Variants in SH3RF3 observed in about 807,000 individuals in gnomAD.
SH3RF3 encodes the protein SH3 domain containing ring finger 3.
A neutral mutation model predicts 66.3 loss-of-function variants in SH3RF3; 29 were observed. The observed-to-expected ratio is 0.44, with a 90% CI of 0.33 to 0.60. The LOEUF (loss-of-function observed/expected upper bound fraction) is 0.60. Ranked by LOEUF, SH3RF3 falls within the 20% of genes least tolerant of loss-of-function variation. SH3RF3 has a pLI of 0.04. For missense variants in SH3RF3, 1,194 were observed against 1,190.9 expected, an observed-to-expected ratio of 1.00 and a Z score of -0.04; for synonymous variants, 583 against 532.0, an observed-to-expected ratio of 1.10 and a Z score of -1.32.
chr2:109,268,582 C>T (rs1233672684), intron 1 of SH3RF3, among the ~76,000 whole-genome samples: 1 of 152,188 alleles, frequency 6.6e-6, no homozygotes, highest in Non-Finnish European at 1.5e-5. Flanking sequence ...GGGCCTCGCT[C>T]CAGGGAGAGG....
chr2:109,495,218 C>G (rs1220408942), intron 9 of SH3RF3, among the ~76,000 whole-genome samples: 1 of 152,136 alleles, frequency 6.6e-6, no homozygotes, highest in Admixed American at 6.5e-5. Context: ...CGGGTGTGGT[C>G]ATGGGAAATG....
At chr2:109,256,309 G>T (rs1314015384) in intron 1 of SH3RF3, among the ~76,000 whole-genome samples, 1 of 152,226 alleles carries the variant, frequency 6.6e-6, no homozygotes, top group Non-Finnish European at 1.5e-5. Flanking sequence ...GGAAGTTGAC[G>T]CTGTGACGTA....
intron 1 of SH3RF3, among the ~76,000 whole-genome samples, chr2:109,268,953 G>C (rs10195035): frequency 0.32 from 47,983 of 152,006 alleles, 7,974 homozygotes; most frequent in East Asian, 0.46. Flanking sequence ...ATCTTTTTCC[G>C]TTTTCTGGGG....
At chr2:109,290,162 GC>G (rs1489156973) in intron 1 of SH3RF3, among the ~76,000 whole-genome samples, 14 of 152,174 alleles carry the variant, frequency 9.2e-5, no homozygotes, top group Admixed American at 4.6e-4. Context: ...TCCTGGATGA[GC>G]CAGATCCCTT....
chr2:109,316,775 C>T (rs1310669807), intron 1 of SH3RF3, among the ~76,000 whole-genome samples: 2 of 152,176 alleles, frequency 1.3e-5, no homozygotes, highest in Non-Finnish European at 2.9e-5. Context: ...ACTTTCCCTG[C>T]CCTTAAAAAT....
intron 1 of SH3RF3, among the ~76,000 whole-genome samples, chr2:109,308,198 T>G (rs570780696): frequency 2.3e-5 from 3 of 132,248 alleles, no homozygotes; most frequent in Middle Eastern, 3.8e-3. Context: ...TTTTCATGTG[T>G]TTTTTGGCTG....
In SH3RF3 at chr2:109,135,993, C is replaced by T. The variant is rs527334847; in HGVS notation, c.573+5880C>T. On this transcript the variant is annotated intron_variant, in intron 1 of 9. Coordinates refer to ENST00000309415, the MANE Select transcript of SH3RF3 (RefSeq NM_001099289.3). ...TGAAAACGAGCCCACCTCCGTCATC[C>T]GTAGGACACAATAGCTTGTCTACAG... 5.9e-5 allele frequency among the ~76,000 whole-genome samples: 9 copies of T among 152,292 alleles called. No homozygotes were observed. In the South Asian group the frequency reaches 1.5e-3, roughly 25 times the overall value.
Position 109,422,830 on chromosome 2 carries a change from G to A in SH3RF3, c.1403+3188G>A, listed in dbSNP as rs73955586. ...GCATCTTAGAGCCACTGCCTGATGT[G>A]AAGGACCGGAGGAGGCAGGGAGAGG... On this transcript the variant is annotated intron_variant, in intron 5 of 9. Transcript: ENST00000309415. Among the ~76,000 whole-genome samples the A allele has an allele frequency of 6.4e-3, 978 of 152,310 alleles. 13 individuals carry two copies. Among genetic ancestry groups the A allele is most frequent in the African/African-American group, 0.022 (924 of 41,558 alleles).
At chr2:109,164,374 G>A (rs188596511) in intron 1 of SH3RF3, among the ~76,000 whole-genome samples, 11 of 152,238 alleles carry the variant, frequency 7.2e-5, no homozygotes, top group Admixed American at 3.9e-4. Context: ...GTTAGAGATG[G>A]GGTCTTGCTG....
intron 1 of SH3RF3, among the ~76,000 whole-genome samples, chr2:109,166,459 GA>G (rs386390872): frequency 2.1e-4 from 28 of 134,290 alleles, no homozygotes; most frequent in East Asian, 4.3e-4. Context: ...CCTGGTGACA[GA>G]AAAAAAAAAA....
At chr2:109,228,694 A>G (rs1197583302) in intron 1 of SH3RF3, among the ~76,000 whole-genome samples, 2 of 152,132 alleles carry the variant, frequency 1.3e-5, no homozygotes, top group African/African-American at 2.4e-5. Flanking sequence ...GATAAAAGAT[A>G]CAGGCAAGCA....
intron 1 of SH3RF3, among the ~76,000 whole-genome samples, chr2:109,315,152 A>G (rs1410924502): frequency 6.6e-6 from 1 of 152,246 alleles, no homozygotes; most frequent in Non-Finnish European, 1.5e-5. Flanking sequence ...TTTACTGAGT[A>G]TAATTAGCAG....
intron 3 of SH3RF3, among the ~76,000 whole-genome samples, chr2:109,378,528 AT>A (rs1683442012): frequency 6.6e-6 from 1 of 152,020 alleles, no homozygotes; most frequent in Non-Finnish European, 1.5e-5. Flanking sequence ...ATGCCTGGTA[AT>A]TTTCAGCTGG....
intron 1 of SH3RF3, among the ~76,000 whole-genome samples, chr2:109,195,781 T>C (rs1464889027): frequency 6.6e-6 from 1 of 152,218 alleles, no homozygotes; most frequent in Non-Finnish European, 1.5e-5. Context: ...CTGTGGGTAA[T>C]TGGGCTTCTC....
chr2:109,344,601 C>T (rs886173108), intron 1 of SH3RF3, among the ~76,000 whole-genome samples: 5 of 152,176 alleles, frequency 3.3e-5, no homozygotes, highest in African/African-American at 1.2e-4. Context: ...CCATGACAGG[C>T]TGATGGGCCA....
chr2:109,464,756 C>T (rs556298163), intron 8 of SH3RF3, among the ~76,000 whole-genome samples: 30 of 152,336 alleles, frequency 2.0e-4, no homozygotes, highest in African/African-American at 7.0e-4. Context: ...ATCTCTTCTA[C>T]TATCAATGGC....
chr2:109,399,453 T>G (rs1285670504), intron 4 of SH3RF3, among the ~76,000 whole-genome samples: 1 of 152,108 alleles, frequency 6.6e-6, no homozygotes, highest in East Asian at 1.9e-4. Context: ...CACTAGTTTT[T>G]TTTTTTTGTA....
chr2:109,158,594 G>A (rs1677410022), intron 1 of SH3RF3, among the ~76,000 whole-genome samples: 1 of 152,190 alleles, frequency 6.6e-6, no homozygotes, highest in Non-Finnish European at 1.5e-5. Context: ...CTCGCTGCCT[G>A]GGATGATAAG....
In SH3RF3 at chr2:109,224,995, AT is replaced by A. The variant is rs1345477083; in HGVS notation, c.573+94886del. Among the ~76,000 whole-genome samples, 23 of 152,308 alleles carry A rather than the reference AT, an allele frequency of 1.5e-4. No homozygotes were observed. In the East Asian group the frequency reaches 3.1e-3, roughly 20 times the overall value. ...TTTTAAAAATCTTATTTTAAAAAGA[AT>A]TTTGTGGGTTTGAAGGAAAGATTGT... is the stretch of plus-strand genomic sequence containing the variant. On this transcript the variant is annotated intron_variant, in intron 1 of 9. Coordinates refer to ENST00000309415, the MANE Select transcript of SH3RF3 (RefSeq NM_001099289.3).
Sources: gnomAD v4.1 joint callset for allele counts (sites outside exome capture counted in the v4.1 genomes callset) on GRCh38, gnomAD v4.1.1 for gene constraint, MANE v1.5 for transcripts, NCBI Gene and HGNC (gene_info 2026-07-23, HGNC 2026-07-21) for gene names.